ETHE1: variants seen among roughly 807,000 people sequenced by gnomAD.
ETHE1 encodes the protein ETHE1 persulfide dioxygenase, also known as persulfide dioxygenase ETHE1, mitochondrial.
ETHE1 carries 16 observed loss-of-function variants against 25.7 expected under a neutral mutation model. The ratio of observed to expected loss-of-function variants is 0.62; its 90% CI spans 0.42 to 0.95. The LOEUF (loss-of-function observed/expected upper bound fraction) is 0.95, where lower values mean the gene tolerates loss of function less well. Among genes scored for constraint, ETHE1 ranks in the 40% least tolerant of loss-of-function variants. The pLI is 0.00. For missense variants in ETHE1, 300 were observed against 333.6 expected (o/e 0.90, Z 0.79); for synonymous variants, 139 against 135.9 (o/e 1.02, Z -0.16).
At chr19:43,512,872 C>T (rs1452261159) in intron 3 of ETHE1, among the ~76,000 whole-genome samples, 1 of 152,206 alleles carries the variant, frequency 6.6e-6, no homozygotes, top group Non-Finnish European at 1.5e-5. Context: ...GAGGTTTTCA[C>T]AGCAGCCTCT....
chr19:43,507,072 C>T (rs1971786462), intron 6 of ETHE1, among the ~76,000 whole-genome samples, 170 bp from the exon 7 acceptor site: 1 of 150,892 alleles, frequency 6.6e-6, no homozygotes, highest in African/African-American at 2.4e-5. Flanking sequence ...CCTCCTCCCT[C>T]AGACCCAGGA....
chr19:43,510,307 C>A (rs980713008), intron 4 of ETHE1, among the ~76,000 whole-genome samples: 1 of 151,964 alleles, frequency 6.6e-6, no homozygotes, highest in African/African-American at 2.4e-5. Context: ...GCAATTAAAC[C>A]GCTGGCTTTA....
At chr19:43,508,635 G>C in intron 5 of ETHE1, 140 bp downstream of exon 5, 1 of 763,818 alleles carries the variant, frequency 1.3e-6, no homozygotes, top group Non-Finnish European at 2.3e-6. Context: ...GAGCCCCCTT[G>C]CCCAGCCTCA....
intron 3 of ETHE1, among the ~76,000 whole-genome samples, chr19:43,513,774 T>C (rs935839649): frequency 6.7e-6 from 1 of 149,628 alleles, no homozygotes. Flanking sequence ...CAGGCTGGGA[T>C]GGAGTGGTGC....
intron 1 of ETHE1, 134 bp from the exon 2 acceptor site, chr19:43,526,793 G>C (rs1600020540): frequency 2.0e-6 from 3 of 1,526,400 alleles, no homozygotes; most frequent in Admixed American, 3.9e-5. Flanking sequence ...CCCGGGAGTC[G>C]GGAGTCCGGA....
chr19:43,519,888 C>T (rs927663022), intron 3 of ETHE1, among the ~76,000 whole-genome samples: 2 of 151,984 alleles, frequency 1.3e-5, no homozygotes, highest in East Asian at 3.8e-4. Context: ...AAATTAGGCA[C>T]ATTAATAAAT....
rs1040452168 is a variant in ETHE1 at position 43,526,839 on chromosome 19, C to T, written c.82-180G>A. ...CTTCCCCTATCAGAACAAAAGAGTT[C>T]CAACTTCCTAACATCCCAAAATCAG... On this transcript the variant is annotated intron_variant, in intron 1 of 6. Transcript: ENST00000292147. 8 of 1,485,198 alleles carry T rather than the reference C, an allele frequency of 5.4e-6. No individual in the cohort carries two copies. In the Admixed American group the frequency reaches 1.6e-4, roughly 29 times the overall value. 92.0% of individuals were successfully genotyped at this position (1,485,198 alleles called of 1,614,324 possible). A position where few individuals can be genotyped will look rare whatever the true frequency, so the allele number is the denominator to read the frequency against.
intron 3 of ETHE1, among the ~76,000 whole-genome samples, chr19:43,517,946 T>A (rs1972056057): frequency 7.3e-6 from 1 of 137,356 alleles, no homozygotes. Context: ...CAACACTCCG[T>A]CTCAAAAAAA....
intron 4 of ETHE1, among the ~76,000 whole-genome samples, chr19:43,509,435 T>C (rs1971861747): frequency 6.7e-6 from 1 of 149,778 alleles, no homozygotes; most frequent in African/African-American, 2.5e-5. Context: ...AGGCGGAGGT[T>C]GCAGTGAGCC....
chr19:43,518,408 T>C (rs866661702), intron 3 of ETHE1, among the ~76,000 whole-genome samples: 33 of 151,578 alleles, frequency 2.2e-4, no homozygotes, highest in South Asian at 4.2e-4. Flanking sequence ...CCTCGGGTAA[T>C]TGGAGACATC....
At position 43,508,028 on chromosome 19, in the gene ETHE1, T is replaced by C. The variant is rs1971829854; in HGVS notation, c.628A>G (p.Thr210Ala). The C allele has an allele frequency of 6.2e-7, 1 of 1,613,996 alleles. No individual in the cohort carries two copies. The highest frequency in any genetic ancestry group is 8.5e-7 in the Non-Finnish European group (1 of 1,180,012). The change falls in exon 6 of 7, where the codon ACT becomes GCT. Residue 210 changes from threonine (T) to alanine (A), a missense_variant. Transcript: ENST00000292147. ...CTGAGGGTGAGCCGAGGGTTCAGAG[T>C]CCTCTCCTCCTCCACGGTGGACACT... is the stretch of plus-strand genomic sequence containing the variant. The part of the protein sequence containing the change: ...FTVSTVEEER[T>A]LNPRLTLSCE...
intron 3 of ETHE1, among the ~76,000 whole-genome samples, chr19:43,522,176 C>A (rs1205404454): frequency 6.6e-6 from 1 of 152,174 alleles, no homozygotes; most frequent in Admixed American, 6.5e-5. Flanking sequence ...AATCCCAACA[C>A]TTTGGGAGGC....
chr19:43,524,456 T>C lies in ETHE1; in HGVS notation c.375+1745A>G, dbSNP rs199569591. Among the ~76,000 whole-genome samples, 24 of 150,148 alleles carry C rather than the reference T, an allele frequency of 1.6e-4. No homozygotes were observed. In the East Asian group the frequency reaches 3.1e-3, roughly 20 times the overall value. ...AAAAGGGAAGGATAGGGGTGATGGC[T>C]AAGGGGTGTGGGGTCTTTTTGGAGT... On this transcript the variant is annotated intron_variant, in intron 3 of 6. Coordinates refer to ENST00000292147, the MANE Select transcript of ETHE1 (RefSeq NM_014297.5).
chr19:43,511,974 C>T (rs1047201056), intron 3 of ETHE1, among the ~76,000 whole-genome samples: 5 of 152,066 alleles, frequency 3.3e-5, no homozygotes, highest in African/African-American at 9.7e-5. Flanking sequence ...ATAAGTCTCA[C>T]GAGATCTGAT....
At chr19:43,520,699 CAA>C (rs772901046) in intron 3 of ETHE1, among the ~76,000 whole-genome samples, 4 of 121,108 alleles carry the variant, frequency 3.3e-5, no homozygotes, top group Non-Finnish European at 3.5e-5. Context: ...GACCCTGTCT[CAA>C]AAAAAAAAAA....
At chr19:43,525,125 TAA>T (rs60796262) in intron 3 of ETHE1, among the ~76,000 whole-genome samples, 2 of 90,588 alleles carry the variant, frequency 2.2e-5, no homozygotes, top group African/African-American at 4.3e-5. Context: ...CAGTCTCAAA[TAA>T]AAAAAAAAAA....
At chr19:43,512,150 G>C (rs1387906197) in intron 3 of ETHE1, among the ~76,000 whole-genome samples, 1 of 152,154 alleles carries the variant, frequency 6.6e-6, no homozygotes, top group Admixed American at 6.6e-5. Flanking sequence ...CCAGTCTTAG[G>C]GATGTCTTTA....
intron 3 of ETHE1, among the ~76,000 whole-genome samples, chr19:43,522,059 C>T (rs570943644): frequency 8.5e-5 from 13 of 152,156 alleles, no homozygotes; most frequent in African/African-American, 3.1e-4. Context: ...CAAATTTGGC[C>T]TGCCATCAGT....
At chr19:43,514,395 C>T (rs1453148427) in intron 3 of ETHE1, among the ~76,000 whole-genome samples, 1 of 152,106 alleles carries the variant, frequency 6.6e-6, no homozygotes, top group Non-Finnish European at 1.5e-5. Flanking sequence ...GTTTTGCCTT[C>T]CACCATGATT....
Sources: allele counts gnomAD v4.1 joint callset (sites outside exome capture counted in the v4.1 genomes callset), GRCh38; gene constraint gnomAD v4.1.1; transcripts MANE v1.5; gene names NCBI Gene and HGNC (gene_info 2026-07-23, HGNC 2026-07-21).